GRID2: variants seen among roughly 807,000 people sequenced by gnomAD.
The protein encoded by GRID2 is glutamate ionotropic receptor delta type subunit 2.
In GRID2, 33 loss-of-function variants were observed where a neutral mutation model predicts 114.8. The ratio of observed to expected loss-of-function variants is 0.29; its 90% CI spans 0.22 to 0.38. The LOEUF is 0.38. Among genes scored for constraint, GRID2 ranks in the 10% least tolerant of loss-of-function variants. The pLI, the probability that GRID2 is intolerant of heterozygous loss-of-function variation, is 1.00. For missense variants in GRID2, 1,184 were observed against 1,257.7 expected (o/e 0.94, Z 0.89); for synonymous variants, 505 against 449.9 (o/e 1.12, Z -1.55).
intron 2 of GRID2, among the ~76,000 whole-genome samples, chr4:92,902,118 G>T (rs1747625088): frequency 6.6e-6 from 1 of 152,082 alleles, no homozygotes; most frequent in Admixed American, 6.6e-5. Context: ...AATTACATTT[G>T]CACTAACCTA....
chr4:93,154,506 G>A (rs1308205126), intron 4 of GRID2, among the ~76,000 whole-genome samples: 2 of 151,986 alleles, frequency 1.3e-5, no homozygotes, highest in Non-Finnish European at 2.9e-5. Flanking sequence ...GGATAGCTTG[G>A]CTAAACCGTT....
At chr4:92,774,775 T>A (rs976792371) in intron 2 of GRID2, among the ~76,000 whole-genome samples, 1 of 151,942 alleles carries the variant, frequency 6.6e-6, no homozygotes, top group African/African-American at 2.4e-5. Flanking sequence ...TGTGTATTTT[T>A]TGTAGAAATG....
At chr4:93,806,140 G>C (rs10015381) in intron 1 of GRID2, among the ~76,000 whole-genome samples, 76,991 of 152,038 alleles carry the variant, frequency 0.51, 19,796 homozygotes, top group Non-Finnish European at 0.55. Context: ...ATATGGGTAG[G>C]CTAAAATGTG....
intron 8 of GRID2, among the ~76,000 whole-genome samples, chr4:93,346,940 C>T (rs1046783783): frequency 6.6e-6 from 1 of 152,168 alleles, no homozygotes; most frequent in Non-Finnish European, 1.5e-5. Flanking sequence ...GCTTACTGAG[C>T]TGTCATTGGT....
At chr4:92,666,650 G>GTTTTGTTTTTTTT (rs1732793120) in intron 2 of GRID2, among the ~76,000 whole-genome samples, 1 of 68,594 alleles carries the variant, frequency 1.5e-5, no homozygotes, top group Non-Finnish European at 2.8e-5. Flanking sequence ...CTTAAGGGTT[G>GTTTTGTTTTTTTT]TTTTTTTTTT....
intron 1 of GRID2, among the ~76,000 whole-genome samples, chr4:92,467,569 C>A (rs1472001036): frequency 6.6e-6 from 1 of 151,884 alleles, no homozygotes; most frequent in African/African-American, 2.4e-5. Context: ...TCCACATTCT[C>A]TTATTTCTGT....
At chr4:92,978,811 C>A (rs1754019694) in intron 2 of GRID2, among the ~76,000 whole-genome samples, 1 of 152,010 alleles carries the variant, frequency 6.6e-6, no homozygotes, top group Admixed American at 6.6e-5. Context: ...ATAGGAGAAT[C>A]ACCTGGGGCC....
Position 92,364,292 on chromosome 4 carries a change from G to T in GRID2, c.88+59548G>T, listed in dbSNP as rs1418740352. ...AAAGGAAGGGAGGAAGAAATAAACA[G>T]GTTTCTGTTATGCAAAGTTGAGTGA... On this transcript the variant is annotated intron_variant, in intron 1 of 15. Coordinates refer to ENST00000282020, the MANE Select transcript of GRID2 (RefSeq NM_001510.4). Among the ~76,000 whole-genome samples the T allele has an allele frequency of 4.6e-5, 7 of 152,014 alleles. No homozygotes were observed. The East Asian group carries it at 1.4e-3, about 29-fold the overall frequency.
chr4:92,543,506 C>G (rs1218725631), intron 1 of GRID2, among the ~76,000 whole-genome samples: 1 of 152,110 alleles, frequency 6.6e-6, no homozygotes, highest in Non-Finnish European at 1.5e-5. Flanking sequence ...AATTCACTTT[C>G]CAATCATCAG....
At chr4:92,616,196 A>T (rs997257075) in intron 2 of GRID2, among the ~76,000 whole-genome samples, 3 of 151,584 alleles carry the variant, frequency 2.0e-5, no homozygotes, top group African/African-American at 7.3e-5. Context: ...GTATTTTAAA[A>T]TGTGGTAATA....
chr4:92,753,947 A>G (rs1737583172), intron 2 of GRID2, among the ~76,000 whole-genome samples: 1 of 152,234 alleles, frequency 6.6e-6, no homozygotes, highest in Admixed American at 6.5e-5. Flanking sequence ...TTAACTGTAT[A>G]GATACCAGTA....
intron 12 of GRID2, among the ~76,000 whole-genome samples, chr4:93,511,431 C>T (rs1295609455): frequency 6.6e-6 from 1 of 151,978 alleles, no homozygotes; most frequent in African/African-American, 2.4e-5. Context: ...GTTCAGTACC[C>T]ACAGGTTGAT....
chr4:92,493,790 CT>C (rs988183332), intron 1 of GRID2, among the ~76,000 whole-genome samples: 1 of 151,986 alleles, frequency 6.6e-6, no homozygotes, highest in Non-Finnish European at 1.5e-5. Context: ...ACAGTTTGAC[CT>C]TTTTTAGCCT....
At chr4:92,589,552 G>T (rs1280829072) in intron 1 of GRID2, among the ~76,000 whole-genome samples, 2 of 152,078 alleles carry the variant, frequency 1.3e-5, no homozygotes, top group East Asian at 3.9e-4. Context: ...AGTTCCTTGA[G>T]AAATATTTAT....
At chr4:92,370,459 G>C (rs1228718327) in intron 1 of GRID2, among the ~76,000 whole-genome samples, 2 of 152,072 alleles carry the variant, frequency 1.3e-5, no homozygotes, top group Admixed American at 6.6e-5. Context: ...AGACCAGCCT[G>C]GTCAACAGAG....
rs945343374 is a variant in GRID2, at chr4:93,773,991, A to G, written c.*1493A>G. The G allele has an allele frequency of 7.9e-5, 12 of 152,128 alleles. No homozygotes were observed. The highest frequency in any genetic ancestry group is 3.3e-4 in the Admixed American group (5 of 15,268). 9.4% of individuals were successfully genotyped at this position (152,128 alleles called of 1,614,324 possible). A position where few individuals can be genotyped will look rare whatever the true frequency, so the allele number is the denominator to read the frequency against. The stretch of plus-strand genomic sequence containing the variant: ...ATTAAAATGTGGTAAGTAGGAAGCA[A>G]GAACTTATTCTGTGTTTTTACGCAG... On this transcript the variant is annotated 3_prime_UTR_variant, in exon 16 of 16. Transcript: ENST00000282020.
rs181514571 is a variant in GRID2, at chr4:92,857,828, G to A, written c.245-227167G>A. Among the ~76,000 whole-genome samples the A allele has an allele frequency of 1.9e-4, 29 of 152,252 alleles. No individual in the cohort carries two copies. The East Asian group carries it at 5.2e-3, about 27-fold the overall frequency. On this transcript the variant is annotated intron_variant, in intron 2 of 15. Coordinates refer to ENST00000282020, the MANE Select transcript of GRID2 (RefSeq NM_001510.4). The stretch of plus-strand genomic sequence containing the variant: ...CTAGGACTTTCATAAATCAAAGCCT[G>A]GCTTCAAACCTTCAAAGAACAGGCT...
chr4:93,091,885 C>A (rs917958416), intron 3 of GRID2, among the ~76,000 whole-genome samples: 1 of 152,070 alleles, frequency 6.6e-6, no homozygotes, highest in Non-Finnish European at 1.5e-5. Flanking sequence ...ACACAGGCTG[C>A]TCTGGGGAAA....
chr4:92,668,061 A>G (rs1443753609), intron 2 of GRID2, among the ~76,000 whole-genome samples: 1 of 151,760 alleles, frequency 6.6e-6, no homozygotes, highest in Non-Finnish European at 1.5e-5. Flanking sequence ...AAATGTCATC[A>G]GTGATAAAGC....
Sources: allele counts gnomAD v4.1 joint callset (sites outside exome capture counted in the v4.1 genomes callset), GRCh38; gene constraint gnomAD v4.1.1; transcripts MANE v1.5; gene names NCBI Gene and HGNC (gene_info 2026-07-23, HGNC 2026-07-21).